The following XPO7 variants were observed in gnomAD, a reference collection of about 807,000 sequenced individuals.
XPO7 encodes the protein exportin 7.
Under a neutral mutation model 144.3 loss-of-function variants are expected in XPO7, and 21 were observed. That is an observed-to-expected ratio of 0.15 (90% CI 0.10 to 0.21). The LOEUF is 0.21. Ranked by LOEUF, XPO7 falls within the 10% of genes least tolerant of loss-of-function variation. The pLI, the probability that XPO7 is intolerant of heterozygous loss-of-function variation, is 1.00. For synonymous variants in XPO7, 580 were observed against 499.6 expected (o/e 1.16, Z -2.15); for missense variants, 808 against 1,325.8 (o/e 0.61, Z 6.06).
At chr8:21,931,223 C>T (rs529873819) in intron 1 of XPO7, among the ~76,000 whole-genome samples, 21 of 150,722 alleles carry the variant, frequency 1.4e-4, no homozygotes, top group Admixed American at 1.1e-3. Flanking sequence ...AGTGCAATGG[C>T]GCAGTCTTGG....
intron 8 of XPO7, 47 bp downstream of exon 8, chr8:21,977,890 T>C: frequency 6.6e-7 from 1 of 1,521,544 alleles, no homozygotes; most frequent in Non-Finnish European, 9.1e-7. Flanking sequence ...TCATAGAAGA[T>C]AGCAATGGTG....
chr8:21,940,924 AT>A (rs1218230169), intron 1 of XPO7, among the ~76,000 whole-genome samples: 55 of 152,270 alleles, frequency 3.6e-4, no homozygotes, highest in African/African-American at 1.3e-3. Context: ...ATGCCGAATT[AT>A]ACCAAGCATA....
chr8:21,979,687 G>A (rs937823569), intron 8 of XPO7, among the ~76,000 whole-genome samples: 8 of 152,114 alleles, frequency 5.3e-5, no homozygotes, highest in African/African-American at 1.7e-4. Flanking sequence ...GATTACAGGC[G>A]TGAGCCACCA....
At chr8:21,977,683 G>A (rs1812271397) in intron 7 of XPO7, 87 bp from the exon 8 acceptor site, 1 of 1,223,852 alleles carries the variant, frequency 8.2e-7, no homozygotes, top group Non-Finnish European at 1.2e-6. Flanking sequence ...GCAGAAGGAT[G>A]TGCTCCCTGA....
rs939377223 is a variant in XPO7, at chr8:21,998,576, A to G, written c.2346-179A>G. Among the ~76,000 whole-genome samples the G allele has an allele frequency of 2.6e-5, 4 of 152,206 alleles. No homozygotes were observed. In the South Asian group the frequency reaches 6.2e-4, roughly 24 times the overall value. ...TCTGAATCTAGCATGTTGGTCTTCA[A>G]TATAGAAGCTACTTCATGGTTAAAT... On this transcript the variant is annotated intron_variant, in intron 21 of 27. Transcript: ENST00000252512.
intron 21 of XPO7, 115 bp from the exon 22 acceptor site, chr8:21,998,640 T>A (rs1813033653): frequency 1.3e-6 from 1 of 763,434 alleles, no homozygotes; most frequent in Non-Finnish European, 2.1e-6. Context: ...GATAGGCAAT[T>A]GCTTACCTTA....
rs768053946 is a variant in XPO7 at position 21,994,319 on chromosome 8, T to C, written c.2149-44T>C. 4 of 1,468,782 alleles carry C rather than the reference T, an allele frequency of 2.7e-6. No homozygotes were observed. In the South Asian group the frequency reaches 4.7e-5, roughly 17 times the overall value. The allele number at this position is 1,468,782 out of a possible 1,614,324, so 91.0% of individuals were successfully genotyped here. ...GAATCCTCATCAGATTGTTACAGTT[T>C]TGTCTTTTCTTCTATTTTAACACAT... On this transcript the variant is annotated intron_variant, in intron 19 of 27. Coordinates refer to ENST00000252512, the MANE Select transcript of XPO7 (RefSeq NM_015024.5).
chr8:21,994,364 G>T lies in XPO7; in HGVS notation c.2150G>T (p.Arg717Leu). ...ACACATTTTTGCCTTCTACTACAGC[G>T]AACTCTAGTTGGCCTAGTAAGAGAC... ...TNSFNEQEAK[R>L]TLVGLVRDLR... Residue 717 changes from arginine to leucine, a missense_variant and splice_region_variant, in exon 20 of 28, where the codon CGA (arginine) becomes CTA (leucine). Around this residue, in one of 5 missense-constraint regions of XPO7, gnomAD observed 416 missense variants for 612.5 expected, o/e 0.68. Transcript: ENST00000252512. 2 of 1,611,292 alleles carry T rather than the reference G, an allele frequency of 1.2e-6. No individual in the cohort carries two copies. The highest frequency in any genetic ancestry group is 2.2e-5 in the South Asian group (2 of 90,870).
chr8:21,980,162 C>T lies in XPO7; in HGVS notation c.916C>T (p.His306Tyr). The T allele has an allele frequency of 6.2e-7, 1 of 1,603,778 alleles. No individual in the cohort carries two copies. Among genetic ancestry groups the T allele is most frequent in the Non-Finnish European group, 8.5e-7 (1 of 1,174,670 alleles). ...TGCAGAGAGGGCCAAGTTTCTCTCTCATCTTGTTGATGGTGTTAAACGAAT... is the reference window on the plus strand; with the variant it reads ...TGCAGAGAGGGCCAAGTTTCTCTCTTATCTTGTTGATGGTGTTAAACGAAT... ...NNAERAKFLS[H>Y]LVDGVKRILE... The change falls in exon 9 of 28, where the codon CAT becomes TAT. Residue 306 changes from histidine to tyrosine, a missense_variant. This residue lies in a region of XPO7 where 223 missense variants were observed against 368.8 expected (regional missense o/e 0.60). Coordinates refer to ENST00000252512, the MANE Select transcript of XPO7 (RefSeq NM_015024.5).
intron 1 of XPO7, among the ~76,000 whole-genome samples, chr8:21,962,248 A>G (rs906556638): frequency 7.9e-5 from 12 of 152,244 alleles, no homozygotes; most frequent in Non-Finnish European, 1.2e-4. Flanking sequence ...CTATAAACCA[A>G]GATGACTTTG....
intron 18 of XPO7, among the ~76,000 whole-genome samples, chr8:21,991,149 T>C (rs983286232): frequency 2.0e-5 from 3 of 152,230 alleles, no homozygotes; most frequent in African/African-American, 7.2e-5. Context: ...ACGCAGTGGC[T>C]TTAAAATTCT....
intron 26 of XPO7, among the ~76,000 whole-genome samples, 198 bp from the exon 27 acceptor site, chr8:22,003,705 A>T (rs888437319): frequency 3.3e-5 from 5 of 152,242 alleles, no homozygotes; most frequent in African/African-American, 1.2e-4. Flanking sequence ...TTTACAATTT[A>T]AAAATTCTTG....
Position 22,005,554 on chromosome 8 carries a change from T to G in XPO7, c.*466T>G, listed in dbSNP as rs1349203561. ...GGGTTGTGTATGCGAGTGAAGAAAATGTGTATTCTGGTGGCCTGAAGCTTT... is the reference window on the plus strand; with the variant it reads ...GGGTTGTGTATGCGAGTGAAGAAAAGGTGTATTCTGGTGGCCTGAAGCTTT... On this transcript the variant is annotated 3_prime_UTR_variant, in exon 28 of 28. Transcript: ENST00000252512. The G allele has an allele frequency of 1.3e-5, 2 of 152,624 alleles. No individual in the cohort carries two copies. Among genetic ancestry groups the G allele is most frequent in the African/African-American group, 4.8e-5 (2 of 41,386 alleles). 9.5% of individuals were successfully genotyped at this position (152,624 alleles called of 1,614,324 possible).
chr8:21,930,245 T>G (rs1326994218), intron 1 of XPO7, among the ~76,000 whole-genome samples: 1 of 152,230 alleles, frequency 6.6e-6, no homozygotes, highest in Non-Finnish European at 1.5e-5. Flanking sequence ...GGTTATTTGG[T>G]GAGATACACA....
intron 1 of XPO7, among the ~76,000 whole-genome samples, chr8:21,948,530 C>G (rs1243793431): frequency 6.6e-6 from 1 of 152,112 alleles, no homozygotes; most frequent in East Asian, 1.9e-4. Flanking sequence ...AATGTATCCC[C>G]ATCGATAACG....
intron 1 of XPO7, among the ~76,000 whole-genome samples, chr8:21,933,864 G>T (rs1810734885): frequency 6.6e-6 from 1 of 152,100 alleles, no homozygotes. Context: ...GCAGTAAAAA[G>T]AATTTATACC....
intron 1 of XPO7, among the ~76,000 whole-genome samples, chr8:21,920,294 C>T (rs998200973): frequency 2.0e-5 from 3 of 152,052 alleles, no homozygotes; most frequent in African/African-American, 7.2e-5. Flanking sequence ...ATACGAGAGA[C>T]CCCCCAGCAA....
intron 1 of XPO7, among the ~76,000 whole-genome samples, chr8:21,952,433 G>T (rs1811402646): frequency 6.6e-6 from 1 of 152,076 alleles, no homozygotes; most frequent in Non-Finnish European, 1.5e-5. Flanking sequence ...GAACACCAGA[G>T]AAGCTATATA....
In XPO7 at chr8:21,982,715, G is replaced by A; in HGVS notation, c.1180G>A (p.Val394Ile). ...GCGGCTGGCAGCCTCTGTGCCGTATGTCAAAGCCACAGAGCCCCACATGCT... is the reference window on the plus strand; with the variant it reads ...GCGGCTGGCAGCCTCTGTGCCGTATATCAAAGCCACAGAGCCCCACATGCT... The part of the protein sequence containing the change: ...WQRLAASVPY[V>I]KATEPHMLET... Residue 394 changes from valine (V) to isoleucine (I), a missense_variant, in exon 11 of 28, where the codon GTC becomes ATC. This residue lies in a region of XPO7 where 26 missense variants were observed against 85.8 expected (regional missense o/e 0.30). Coordinates refer to ENST00000252512, the MANE Select transcript of XPO7 (RefSeq NM_015024.5). 1 of 1,613,932 alleles carries A rather than the reference G, an allele frequency of 6.2e-7. No individual in the cohort carries two copies.
Sources: gnomAD v4.1 joint callset for allele counts (sites outside exome capture counted in the v4.1 genomes callset) on GRCh38, gnomAD v4.1.1 for gene constraint, gnomAD v4.1.1 regional missense constraint, MANE v1.5 for transcripts, NCBI Gene and HGNC (gene_info 2026-07-23, HGNC 2026-07-21) for gene names.